PCDHGB2: variants seen among roughly 807,000 people sequenced by gnomAD.
PCDHGB2 encodes protocadherin gamma subfamily B, 2.
Under a neutral mutation model 59.3 loss-of-function variants are expected in PCDHGB2, and 55 were observed. That is an observed-to-expected ratio of 0.93 (90% CI 0.75 to 1.16). The LOEUF (loss-of-function observed/expected upper bound fraction) is 1.16, where lower values mean the gene tolerates loss of function less well. Among genes scored for constraint, PCDHGB2 ranks in the 50% most tolerant of loss-of-function variants. The probability of loss-of-function intolerance (pLI) is 0.00; values close to 1 mark genes in which losing one functional copy is unlikely to be tolerated. For missense variants in PCDHGB2, 1,228 were observed against 1,198.5 expected (o/e 1.02, Z -0.36); for synonymous variants, 516 against 512.0 (o/e 1.01, Z -0.11).
In PCDHGB2 at chr5:141,361,583, C is replaced by G. The variant is rs1762083225; in HGVS notation, c.1448C>G (p.Pro483Arg). 1 of 1,613,914 alleles carries G rather than the reference C, an allele frequency of 6.2e-7. No homozygotes were observed. Among genetic ancestry groups the G allele is most frequent in the Admixed American group, 1.7e-5 (1 of 60,014 alleles). Residue 483 changes from proline to arginine, a missense_variant, in exon 1 of 4, where the codon CCC becomes CGC. By Grantham distance (103) the Pro-to-Arg change is moderately radical (BLOSUM62 -2). This residue lies in a region of PCDHGB2 where 781 missense variants were observed against 721.6 expected (regional missense o/e 1.08). Coordinates refer to ENST00000522605, the MANE Select transcript of PCDHGB2 (RefSeq NM_018923.3). Reference sequence around the variant, plus strand: ...AGTGCCTCTGACCCTGACTTGGGCCCCAGTGGCCAAGTTTCCTACTCCATC... The same window carrying G: ...AGTGCCTCTGACCCTGACTTGGGCCGCAGTGGCCAAGTTTCCTACTCCATC... ...QISASDPDLGPSGQVSYSIVA... is the reference protein window; with the variant it reads ...QISASDPDLGRSGQVSYSIVA...
At chr5:141,419,017 A>G (rs1478763916) in intron 1 of PCDHGB2, 4 of 1,613,928 alleles carry the variant, frequency 2.5e-6, no homozygotes, top group Non-Finnish European at 3.4e-6. Flanking sequence ...GGTGTAGCTT[A>G]AGTAGAGGTG....
chr5:141,443,699 A>G (rs1433844997), intron 1 of PCDHGB2, among the ~76,000 whole-genome samples: 1 of 152,248 alleles, frequency 6.6e-6, no homozygotes, highest in African/African-American at 2.4e-5. Flanking sequence ...AAAATTATAG[A>G]ATAACATTTG....
chr5:141,509,825 C>A (rs1057042581), intron 3 of PCDHGB2, among the ~76,000 whole-genome samples: 18 of 152,222 alleles, frequency 1.2e-4, no homozygotes, highest in African/African-American at 1.2e-4. Context: ...TCTCCATCTT[C>A]TCTCTACCTC....
rs367919924 is a variant in PCDHGB2, at chr5:141,487,711, T to A, written c.2422-7096T>A. The A allele has an allele frequency of 1.1e-5, 18 of 1,586,144 alleles. No individual in the cohort carries two copies. In the African/African-American group the frequency reaches 2.1e-4, roughly 19 times the overall value. On this transcript the variant is annotated intron_variant, in intron 1 of 3. Transcript: ENST00000522605. The surrounding 1 kb of genome is among the most constrained non-coding windows in gnomAD (Gnocchi z 5.0). ...TAGAGAGTACTGGCCTCTCAGTAAG[T>A]GCCCATAGTGATGTCACCATTTTTG...
intron 1 of PCDHGB2, chr5:141,410,195 G>A (rs769655902): frequency 1.1e-5 from 18 of 1,613,966 alleles, no homozygotes; most frequent in Non-Finnish European, 1.0e-5. Context: ...TCTGGTCTTC[G>A]CAGACAACTT....
At chr5:141,458,264 G>A (rs1489144612) in intron 1 of PCDHGB2, among the ~76,000 whole-genome samples, 3 of 152,092 alleles carry the variant, frequency 2.0e-5, no homozygotes, top group Non-Finnish European at 2.9e-5. Flanking sequence ...GATGAGTGGA[G>A]GAACAACAGG....
intron 1 of PCDHGB2, chr5:141,395,266 T>C (rs1369566717): frequency 1.9e-6 from 3 of 1,548,854 alleles, no homozygotes; most frequent in Non-Finnish European, 8.7e-7. Context: ...TTGCTTTTAA[T>C]TTCCAGATGA....
At chr5:141,375,305 G>A in intron 1 of PCDHGB2, 1 of 1,613,812 alleles carries the variant, frequency 6.2e-7, no homozygotes, top group African/African-American at 1.3e-5. Context: ...AGTGACAAAT[G>A]CAGCTCTAGA....
intron 1 of PCDHGB2, chr5:141,409,412 C>T (rs1261631725): frequency 1.2e-6 from 2 of 1,614,032 alleles, no homozygotes; most frequent in Non-Finnish European, 1.7e-6. Flanking sequence ...CTACTACAAA[C>T]TGGTGACAGA....
At chr5:141,508,732 C>A (rs1037039751) in intron 3 of PCDHGB2, among the ~76,000 whole-genome samples, 3 of 151,880 alleles carry the variant, frequency 2.0e-5, no homozygotes, top group Non-Finnish European at 4.4e-5. Flanking sequence ...GGAGACTACA[C>A]CCCCCACCCC....
At chr5:141,426,639 AATGTGATGATAGAAGATATAAATG>A (rs1418104928) in intron 1 of PCDHGB2, 1 of 407,642 alleles carries the variant, frequency 2.5e-6, no homozygotes, top group Non-Finnish European at 5.0e-6. Context: ...TTTTCACATA[AATGTGATGATAGAAGATATAAATG>A]ATAACCCACC....
At chr5:141,419,739 G>A (rs200899065) in intron 1 of PCDHGB2, 179 of 1,613,652 alleles carry the variant, frequency 1.1e-4, no homozygotes, top group Admixed American at 2.5e-4. Context: ...GGCGAGGTGC[G>A]CATGGTGCGT....
At chr5:141,375,379 G>A in intron 1 of PCDHGB2, 1 of 1,613,912 alleles carries the variant, frequency 6.2e-7, no homozygotes, top group Non-Finnish European at 8.5e-7. Context: ...CACCACCTCT[G>A]TCTACAGAAA....
At chr5:141,422,696 ACT>A in intron 1 of PCDHGB2, 1 of 1,602,756 alleles carries the variant, frequency 6.2e-7, no homozygotes, top group Non-Finnish European at 8.5e-7. Flanking sequence ...CTGGTCACTT[ACT>A]CTCTGACGGA....
intron 1 of PCDHGB2, among the ~76,000 whole-genome samples, chr5:141,463,177 A>G (rs914982793): frequency 2.6e-5 from 4 of 152,250 alleles, no homozygotes; most frequent in Admixed American, 2.6e-4. Context: ...ATGTATGCTC[A>G]GATTATTATT....
intron 2 of PCDHGB2, among the ~76,000 whole-genome samples, chr5:141,503,166 A>T (rs1246987375): frequency 1.3e-5 from 2 of 151,884 alleles, no homozygotes; most frequent in Admixed American, 1.3e-4. Context: ...CACAATTGCA[A>T]TTACTCTATT....
At chr5:141,423,598 C>A in intron 1 of PCDHGB2, 1 of 1,612,940 alleles carries the variant, frequency 6.2e-7, no homozygotes, top group East Asian at 2.2e-5. Flanking sequence ...GAAAAGCGAG[C>A]CACTCTTGAT....
chr5:141,427,782 T>G, intron 1 of PCDHGB2: 1 of 1,459,986 alleles, frequency 6.8e-7, no homozygotes, highest in Middle Eastern at 1.7e-4. Context: ...GCGGGCACTG[T>G]CGTCCTACGT....
At chr5:141,383,331 G>A (rs1374498220) in intron 1 of PCDHGB2, 1 of 1,613,874 alleles carries the variant, frequency 6.2e-7, no homozygotes, top group East Asian at 2.2e-5. Flanking sequence ...AAATAATGGA[G>A]AATACAGCTC....
Sources: gnomAD v4.1 joint callset for allele counts (sites outside exome capture counted in the v4.1 genomes callset) on GRCh38, gnomAD v4.1.1 for gene constraint, gnomAD v4.1.1 regional missense constraint, Gnocchi (gnomAD v3.1) non-coding constraint, MANE v1.5 for transcripts, NCBI Gene and HGNC (gene_info 2026-07-23, HGNC 2026-07-21) for gene names.